The following STAM variants were observed in gnomAD, a reference collection of about 807,000 sequenced individuals.
STAM encodes the protein signal transducing adaptor molecule, also known as signal transducing adapter molecule 1.
In STAM, 16 loss-of-function variants were observed where a neutral mutation model predicts 63.4. The observed-to-expected ratio is 0.25, with a 90% CI of 0.17 to 0.38. The LOEUF (loss-of-function observed/expected upper bound fraction) is 0.38, where lower values mean the gene tolerates loss of function less well. STAM is among the 10% of genes least tolerant of loss of function. The pLI, the probability that STAM is intolerant of heterozygous loss-of-function variation, is 1.00. For synonymous variants in STAM, 238 were observed against 223.9 expected, an observed-to-expected ratio of 1.06 and a Z score of -0.56; for missense variants, 636 against 657.1, an observed-to-expected ratio of 0.97 and a Z score of 0.35.
intron 4 of STAM, among the ~76,000 whole-genome samples, chr10:17,687,501 A>G (rs200965178): frequency 0.018 from 539 of 29,428 alleles, 4 homozygotes; most frequent in Non-Finnish European, 0.025. Flanking sequence ...AAAACAAACC[A>G]AAAAAAAAGA....
At chr10:17,692,108 C>A (rs1443683238) in intron 5 of STAM, among the ~76,000 whole-genome samples, 14 of 152,102 alleles carry the variant, frequency 9.2e-5, no homozygotes, top group Non-Finnish European at 1.5e-5. Context: ...GTGCTATTAT[C>A]GTAGTCATTT....
intron 2 of STAM, among the ~76,000 whole-genome samples, chr10:17,662,357 T>C (rs1554822980): frequency 6.6e-6 from 1 of 152,204 alleles, no homozygotes; most frequent in African/African-American, 2.4e-5. Flanking sequence ...CTGTGTCTCA[T>C]ATCCTTTCAG....
At chr10:17,644,964 C>G (rs1306248110) in intron 1 of STAM, among the ~76,000 whole-genome samples, 3 of 152,166 alleles carry the variant, frequency 2.0e-5, no homozygotes, top group African/African-American at 7.2e-5. Context: ...TTTGGGATGT[C>G]TCTCTTAGGC....
intron 1 of STAM, among the ~76,000 whole-genome samples, chr10:17,644,831 T>G (rs1486171474): frequency 6.6e-6 from 1 of 152,222 alleles, no homozygotes; most frequent in Non-Finnish European, 1.5e-5. Flanking sequence ...TAGAGGATTT[T>G]AAAATCTTTT....
At chr10:17,676,427 C>T (rs889426512) in intron 2 of STAM, among the ~76,000 whole-genome samples, 1 of 152,132 alleles carries the variant, frequency 6.6e-6, no homozygotes, top group Non-Finnish European at 1.5e-5. Flanking sequence ...TTCAGTTCAT[C>T]AGCTGACATA....
At chr10:17,703,008 CA>C (rs71507229) in intron 9 of STAM, among the ~76,000 whole-genome samples, 1,435 of 67,850 alleles carry the variant, frequency 0.021, 14 homozygotes, top group African/African-American at 0.071. Context: ...GACTCCATCT[CA>C]AAAAAAAAAA....
chr10:17,650,922 G>A (rs1464096109), intron 1 of STAM, among the ~76,000 whole-genome samples: 3 of 151,844 alleles, frequency 2.0e-5, no homozygotes, highest in Non-Finnish European at 4.4e-5. Context: ...AAAATTAGCC[G>A]GGCGTAGTGG....
intron 13 of STAM, among the ~76,000 whole-genome samples, chr10:17,710,408 A>G (rs980885449): frequency 6.6e-6 from 1 of 152,166 alleles, no homozygotes; most frequent in Admixed American, 6.6e-5. Context: ...CCCTACCCAT[A>G]GAGTGTAGCT....
intron 2 of STAM, among the ~76,000 whole-genome samples, chr10:17,674,888 TAAAC>T (rs1347476578): frequency 2.6e-5 from 4 of 152,306 alleles, no homozygotes; most frequent in Admixed American, 6.5e-5. Context: ...ATAATTCTAA[TAAAC>T]AAAATTATAA....
chr10:17,644,385 T>A lies in STAM; in HGVS notation c.40+6T>A, dbSNP rs1314067006. The A allele has an allele frequency of 6.2e-7, 1 of 1,613,974 alleles. No homozygotes were observed. The stretch of plus-strand genomic sequence containing the variant: ...TCCCTTCGATCAGGATGTTGGTAAG[T>A]GTTTTTGCCTCTCCCTGCCCATTCC... On this transcript the variant is annotated splice_donor_region_variant and intron_variant, in intron 1 of 13. Transcript: ENST00000377524.
intron 1 of STAM, among the ~76,000 whole-genome samples, chr10:17,650,402 A>C (rs962979655): frequency 2.0e-5 from 3 of 152,240 alleles, no homozygotes; most frequent in Non-Finnish European, 4.4e-5. Flanking sequence ...ATAGGCTTCA[A>C]ATATCTCAAG....
At chr10:17,697,456 A>T (rs919184310) in intron 8 of STAM, among the ~76,000 whole-genome samples, 8 of 152,230 alleles carry the variant, frequency 5.3e-5, no homozygotes, top group Admixed American at 2.0e-4. Flanking sequence ...CATGTCAGAT[A>T]TTCAGAAGGA....
intron 2 of STAM, among the ~76,000 whole-genome samples, chr10:17,667,451 T>C (rs1323667524): frequency 6.6e-6 from 1 of 152,188 alleles, no homozygotes; most frequent in Non-Finnish European, 1.5e-5. Context: ...AACGTGATCT[T>C]GATTTCCATG....
At position 17,644,231 on chromosome 10, in the gene STAM, G is replaced by T. The variant is rs1589009776; in HGVS notation, c.-109G>T. The T allele has an allele frequency of 1.7e-6, 2 of 1,209,154 alleles. No homozygotes were observed. Among genetic ancestry groups the T allele is most frequent in the South Asian group, 1.2e-5 (1 of 80,154 alleles). 74.9% of individuals were successfully genotyped at this position (1,209,154 alleles called of 1,614,324 possible). On this transcript the variant is annotated 5_prime_UTR_variant, in exon 1 of 14. Coordinates refer to ENST00000377524, the MANE Select transcript of STAM (RefSeq NM_003473.4). ...GAGGAGCTGTCGCGGACCCTGTAGAGTCGGTCTCTGTTGCTCTTTTTGCCT... is the reference window on the plus strand; with the variant it reads ...GAGGAGCTGTCGCGGACCCTGTAGATTCGGTCTCTGTTGCTCTTTTTGCCT...
chr10:17,656,408 G>T (rs1833942543), intron 1 of STAM, among the ~76,000 whole-genome samples: 1 of 151,830 alleles, frequency 6.6e-6, no homozygotes, highest in African/African-American at 2.4e-5. Flanking sequence ...AGGTCTCATT[G>T]ACTTTTAACT....
intron 2 of STAM, among the ~76,000 whole-genome samples, chr10:17,676,503 C>T (rs1834862659): frequency 6.6e-6 from 1 of 152,160 alleles, no homozygotes; most frequent in Non-Finnish European, 1.5e-5. Context: ...GAGAAAAAGA[C>T]ATTGGAAGCT....
chr10:17,692,782 G>C (rs1410926909), intron 5 of STAM, among the ~76,000 whole-genome samples: 1 of 151,958 alleles, frequency 6.6e-6, no homozygotes, highest in Non-Finnish European at 1.5e-5. Flanking sequence ...ATAACATCCT[G>C]ACACTTGATC....
At chr10:17,681,472 T>C (rs1589067301) in intron 2 of STAM, among the ~76,000 whole-genome samples, 1 of 152,296 alleles carries the variant, frequency 6.6e-6, no homozygotes, top group East Asian at 1.9e-4. Context: ...TTTAAATCTG[T>C]AGAGACTTGT....
intron 1 of STAM, among the ~76,000 whole-genome samples, chr10:17,650,086 T>A (rs1171640099): frequency 6.6e-6 from 1 of 152,256 alleles, no homozygotes; most frequent in African/African-American, 2.4e-5. Flanking sequence ...CTTGGACATT[T>A]TTTTAGTCTG....
Sources: gnomAD v4.1 joint callset for allele counts (sites outside exome capture counted in the v4.1 genomes callset) on GRCh38, gnomAD v4.1.1 for gene constraint, MANE v1.5 for transcripts, NCBI Gene and HGNC (gene_info 2026-07-23, HGNC 2026-07-21) for gene names.